STX18: variants seen among roughly 807,000 people sequenced by gnomAD.
The protein encoded by STX18 is syntaxin 18.
A neutral mutation model predicts 50.1 loss-of-function variants in STX18; 40 were observed. That is an observed-to-expected ratio of 0.80 (90% CI 0.62 to 1.04). The LOEUF (loss-of-function observed/expected upper bound fraction) is 1.04. Ranked by LOEUF, STX18 falls within the 50% of genes least tolerant of loss-of-function variation. The pLI is 0.00. For missense variants in STX18, 410 were observed against 415.8 expected (o/e 0.99, Z 0.12); for synonymous variants, 158 against 151.8 (o/e 1.04, Z -0.30).
intron 2 of STX18, among the ~76,000 whole-genome samples, chr4:4,468,829 C>A (rs1186181310): frequency 2.0e-5 from 3 of 152,096 alleles, no homozygotes; most frequent in Admixed American, 6.6e-5. Flanking sequence ...GTAGAAGATG[C>A]TACTCACAAA....
intron 1 of STX18, among the ~76,000 whole-genome samples, chr4:4,523,364 CCTCA>C (rs1730606038): frequency 6.6e-6 from 1 of 152,186 alleles, no homozygotes; most frequent in African/African-American, 2.4e-5. Flanking sequence ...CCCACTCTTT[CCTCA>C]AGGCTTCAAT....
intron 1 of STX18, among the ~76,000 whole-genome samples, chr4:4,519,285 T>C (rs543565281): frequency 6.6e-5 from 10 of 152,298 alleles, no homozygotes; most frequent in Admixed American, 2.0e-4. Context: ...AATCTAGGAC[T>C]GAAGTTTTTA....
chr4:4,468,247 T>C (rs1266914449), intron 2 of STX18, among the ~76,000 whole-genome samples: 2 of 152,156 alleles, frequency 1.3e-5, no homozygotes, highest in Non-Finnish European at 2.9e-5. Context: ...AAACACCACG[T>C]CCCCTCCCTT....
At chr4:4,424,995 T>C (rs1032619535) in intron 8 of STX18, among the ~76,000 whole-genome samples, 169 bp downstream of exon 8, 1 of 151,528 alleles carries the variant, frequency 6.6e-6, no homozygotes, top group African/African-American at 2.4e-5. Context: ...GCTGAGGGAG[T>C]TGTGGATTCA....
intron 1 of STX18, among the ~76,000 whole-genome samples, chr4:4,540,186 A>C (rs1039278531): frequency 1.3e-5 from 2 of 152,222 alleles, no homozygotes. Context: ...AGGTAAATAA[A>C]CTGAGGTCTT....
rs1048328644 is a variant in STX18, at chr4:4,419,825, T to C, written c.*209A>G. 1.9e-6 allele frequency: 1 copy of C among 529,242 alleles called. No homozygotes were observed. The highest frequency in any genetic ancestry group is 3.2e-5 in the Admixed American group (1 of 31,478). The allele number at this position is 529,242 out of a possible 1,614,324, so 32.8% of individuals were successfully genotyped here. On this transcript the variant is annotated 3_prime_UTR_variant, in exon 11 of 11. Transcript: ENST00000306200. ...CAGGCTGCCTCCCATTGGTGTGCAC[T>C]GTTTCCTTTTTCAGCTGCTAAATGG...
chr4:4,436,950 C>CTTTTTTTTTT (rs34174730), intron 6 of STX18, among the ~76,000 whole-genome samples: 2 of 116,764 alleles, frequency 1.7e-5, no homozygotes, highest in African/African-American at 3.4e-5. Context: ...TCCAGACTCA[C>CTTTTTTTTTT]TTTTTTTTTT....
At chr4:4,507,221 T>C (rs954566454) in intron 1 of STX18, 12 of 624,218 alleles carry the variant, frequency 1.9e-5, no homozygotes, top group African/African-American at 1.3e-4. Context: ...CATGCAATTA[T>C]GAGGGTAAAC....
At chr4:4,479,825 T>G (rs1014466531) in intron 1 of STX18, among the ~76,000 whole-genome samples, 1 of 152,198 alleles carries the variant, frequency 6.6e-6, no homozygotes, top group African/African-American at 2.4e-5. Context: ...TCTGCTCTTA[T>G]ACACATAAAG....
At chr4:4,455,992 T>C (rs1213578213) in intron 5 of STX18, among the ~76,000 whole-genome samples, 3 of 152,052 alleles carry the variant, frequency 2.0e-5, no homozygotes, top group African/African-American at 7.2e-5. Flanking sequence ...AGTAAGAATT[T>C]AAAAAATGTG....
intron 1 of STX18, among the ~76,000 whole-genome samples, chr4:4,473,927 TA>T (rs1435378471): frequency 6.6e-6 from 1 of 152,134 alleles, no homozygotes; most frequent in Non-Finnish European, 1.5e-5. Context: ...TCTCAGTGTC[TA>T]AACAACGGGA....
chr4:4,431,685 TTCA>T lies in STX18; in HGVS notation c.702+3082_702+3084del, dbSNP rs1725525822. On this transcript the variant is annotated intron_variant, in intron 7 of 10. Transcript: ENST00000306200. ...CAAACTCACACCTGTCTACATGAAATTCATCATCTCCTGCTCAGCCCCAGCCTG... is the reference window on the plus strand; with the variant it reads ...CAAACTCACACCTGTCTACATGAAATTCATCTCCTGCTCAGCCCCAGCCTG... Among the ~76,000 whole-genome samples, 4 of 152,216 alleles carry T rather than the reference TTCA, an allele frequency of 2.6e-5. No homozygotes were observed. The South Asian group carries it at 8.3e-4, about 32-fold the overall frequency.
At chr4:4,424,212 G>T (rs1444133728) in intron 8 of STX18, among the ~76,000 whole-genome samples, 1 of 152,142 alleles carries the variant, frequency 6.6e-6, no homozygotes, top group Non-Finnish European at 1.5e-5. Context: ...CTACCCTGGG[G>T]GGCGGGTGGG....
intron 5 of STX18, among the ~76,000 whole-genome samples, chr4:4,444,324 C>T (rs1481274673): frequency 6.6e-6 from 1 of 152,202 alleles, no homozygotes; most frequent in Non-Finnish European, 1.5e-5. Flanking sequence ...GAACCAAGTG[C>T]CATCCCTACT....
At chr4:4,542,241 G>A (rs1289413271), upstream of STX18, 4 of 359,850 alleles carry the variant, frequency 1.1e-5, no homozygotes, top group South Asian at 6.3e-5. Flanking sequence ...TGCGCGGAGA[G>A]CTCAGCGAGC....
chr4:4,519,831 AG>A (rs1321172597), intron 1 of STX18, among the ~76,000 whole-genome samples: 1 of 152,196 alleles, frequency 6.6e-6, no homozygotes, highest in Admixed American at 6.5e-5. Flanking sequence ...ACACTGATAC[AG>A]AAAAATAAAG....
intron 2 of STX18, among the ~76,000 whole-genome samples, chr4:4,470,236 G>T (rs1413227158): frequency 6.6e-6 from 1 of 152,202 alleles, no homozygotes; most frequent in East Asian, 1.9e-4. Context: ...GGCCGGGTAA[G>T]TCCCTGTTGT....
chr4:4,460,704 T>G (rs1353853834), intron 2 of STX18, among the ~76,000 whole-genome samples: 1 of 152,198 alleles, frequency 6.6e-6, no homozygotes, highest in Non-Finnish European at 1.5e-5. Context: ...AAGAGTGACA[T>G]GGAATTAGTT....
At chr4:4,533,733 T>C (rs149184285) in intron 1 of STX18, among the ~76,000 whole-genome samples, 364 of 152,278 alleles carry the variant, frequency 2.4e-3, no homozygotes, top group Middle Eastern at 0.014. Flanking sequence ...ACTAAAAACG[T>C]CACACTGAGA....
Sources: allele counts gnomAD v4.1 joint callset (sites outside exome capture counted in the v4.1 genomes callset), GRCh38; gene constraint gnomAD v4.1.1; transcripts MANE v1.5; gene names NCBI Gene and HGNC (gene_info 2026-07-23, HGNC 2026-07-21).